DCN: variants seen among roughly 807,000 people sequenced by gnomAD.
DCN encodes decorin.
DCN carries 17 observed loss-of-function variants against 36.5 expected under a neutral mutation model. The observed-to-expected ratio is 0.47, with a 90% CI of 0.32 to 0.70. The LOEUF is 0.70. Among genes scored for constraint, DCN ranks in the 30% least tolerant of loss-of-function variants. The pLI, the probability that DCN is intolerant of heterozygous loss-of-function variation, is 0.04. For missense variants in DCN, 389 were observed against 430.1 expected (o/e 0.90, Z 0.84); for synonymous variants, 163 against 161.4 (o/e 1.01, Z -0.07).
Position 91,157,156 on chromosome 12 carries a change from T to C in DCN, c.571A>G (p.Ile191Val). ...LGTNPLKSSG[I>V]ENGAFQGMKK... ...ATTCCCTGGAAAGCCCCATTTTCAA[T>C]TCCTGAGCTCTTCAGCGGATTGGTG... Residue 191 changes from isoleucine to valine, a missense_variant, in exon 5 of 8, where the codon ATT becomes GTT. Transcript: ENST00000052754. 1 of 1,613,990 alleles carries C rather than the reference T, an allele frequency of 6.2e-7. No individual in the cohort carries two copies. The highest frequency in any genetic ancestry group is 8.5e-7 in the Non-Finnish European group (1 of 1,179,852).
chr12:91,151,242 A>G (rs913798847), intron 7 of DCN: 1 of 209,622 alleles, frequency 4.8e-6, no homozygotes, highest in African/African-American at 2.4e-5. Context: ...GCCATGTCAA[A>G]AAGAATCAGG....
At chr12:91,148,053 T>C (rs184480252) in intron 7 of DCN, among the ~76,000 whole-genome samples, 24 of 151,408 alleles carry the variant, frequency 1.6e-4, no homozygotes, top group Admixed American at 1.5e-3. Context: ...GGTTAGAATA[T>C]AACACTAAGA....
chr12:91,164,297 C>A (rs1371118390), intron 3 of DCN, among the ~76,000 whole-genome samples: 3 of 144,172 alleles, frequency 2.1e-5, no homozygotes, highest in African/African-American at 7.9e-5. Flanking sequence ...AGCGCACCAG[C>A]ATGGCACATG....
chr12:91,155,627 T>TATC (rs893800526), intron 5 of DCN, among the ~76,000 whole-genome samples: 3 of 150,182 alleles, frequency 2.0e-5, no homozygotes, highest in Non-Finnish European at 4.4e-5. Flanking sequence ...TCTATCTATC[T>TATC]ATCTATCTAT....
Position 91,164,635 on chromosome 12 carries a change from AT to A in DCN, c.293del (p.Asp98ValfsTer7), listed in dbSNP as rs747443101. 1.2e-6 allele frequency: 2 copies of A among 1,610,072 alleles called. No homozygotes were observed. Among genetic ancestry groups the A allele is most frequent in the Non-Finnish European group, 1.7e-6 (2 of 1,176,506 alleles). On this transcript the variant is annotated frameshift_variant, in exon 3 of 8. Coordinates refer to ENST00000052754, the MANE Select transcript of DCN (RefSeq NM_001920.5). LOFTEE classifies it high-confidence loss of function. ...LQNNKITEIK[D>X]GDFKNLKNLH... is the part of the protein sequence containing the mutation. ...GGTTCTTCAGGTTCTTAAAGTCTCCATCTTTGATTTCGGTTATTTTGTTGTT... is the reference window on the plus strand; with the variant it reads ...GGTTCTTCAGGTTCTTAAAGTCTCCACTTTGATTTCGGTTATTTTGTTGTT...
rs1274270254 is a variant in DCN at position 91,145,630 on chromosome 12, TA to T, written c.*427del. On this transcript the variant is annotated 3_prime_UTR_variant, in exon 8 of 8. Transcript: ENST00000052754. Reference sequence around the variant, plus strand: ...ACACATTCAAATGAGGCTTTACCAGTAATGATGGGGATTAATACAGAGCTAG... The same window carrying T: ...ACACATTCAAATGAGGCTTTACCAGTATGATGGGGATTAATACAGAGCTAG... 1 of 213,074 alleles carries T rather than the reference TA, an allele frequency of 4.7e-6. No homozygotes were observed. Among genetic ancestry groups the T allele is most frequent in the African/African-American group, 2.3e-5 (1 of 42,724 alleles). The allele number at this position is 213,074 out of a possible 1,614,324, so 13.2% of individuals were successfully genotyped here. A position where few individuals can be genotyped will look rare whatever the true frequency, so the allele number is the denominator to read the frequency against.
At position 91,158,466 on chromosome 12, in the gene DCN, C is replaced by T; in HGVS notation, c.368G>A (p.Gly123Glu). The change falls in exon 4 of 8, where the codon GGA (glycine) becomes GAA (glutamate). Residue 123 changes from glycine (G) to glutamate (E), a missense_variant. Physicochemically the swap from Gly to Glu is moderately conservative, Grantham distance 98. Coordinates refer to ENST00000052754, the MANE Select transcript of DCN (RefSeq NM_001920.5). The part of the protein sequence containing the change: ...VNNKISKVSP[G>E]AFTPLVKLER... ...CAACTTCACCAAAGGTGTAAATGCT[C>T]CAGGACTAACTTTGCTAATTTTATT... is the stretch of plus-strand genomic sequence containing the variant. The T allele has an allele frequency of 6.2e-7, 1 of 1,606,004 alleles. No individual in the cohort carries two copies.
At chr12:91,174,538 C>G (rs1216292606) in intron 2 of DCN, among the ~76,000 whole-genome samples, 1 of 152,082 alleles carries the variant, frequency 6.6e-6, no homozygotes, top group East Asian at 1.9e-4. Flanking sequence ...TCTTAGCCAA[C>G]TTTGCCTGAA....
At chr12:91,156,972 T>C (rs1881817283) in intron 5 of DCN, 103 bp downstream of exon 5, 1 of 757,182 alleles carries the variant, frequency 1.3e-6, no homozygotes, top group East Asian at 2.7e-5. Flanking sequence ...GGAAATAAGG[T>C]TGGCCTCTTA....
At chr12:91,166,615 T>G (rs1882591673) in intron 2 of DCN, among the ~76,000 whole-genome samples, 1 of 152,178 alleles carries the variant, frequency 6.6e-6, no homozygotes, top group African/African-American at 2.4e-5. Context: ...CTAGTGACTC[T>G]CAACATTTTG....
chr12:91,167,976 G>A (rs761374800), intron 2 of DCN, among the ~76,000 whole-genome samples: 18 of 152,056 alleles, frequency 1.2e-4, no homozygotes, highest in Non-Finnish European at 2.1e-4. Flanking sequence ...GACTACAGGC[G>A]TTTGCCACCA....
At chr12:91,177,363 G>A (rs1384628111) in intron 2 of DCN, 1 of 530,420 alleles carries the variant, frequency 1.9e-6, no homozygotes, top group Non-Finnish European at 3.3e-6. Context: ...CATGTTCTGA[G>A]TAAATATAGG....
At chr12:91,164,782 C>T (rs1882438271) in intron 2 of DCN, 65 bp from the exon 3 acceptor site, 1 of 810,150 alleles carries the variant, frequency 1.2e-6, no homozygotes, top group African/African-American at 1.7e-5. Context: ...AATCACACAG[C>T]ATATATTTAC....
At chr12:91,165,723 A>C (rs1301782555) in intron 2 of DCN, among the ~76,000 whole-genome samples, 1 of 152,124 alleles carries the variant, frequency 6.6e-6, no homozygotes, top group Non-Finnish European at 1.5e-5. Flanking sequence ...GCATAACACA[A>C]ATCAGAAATA....
chr12:91,167,861 A>C (rs1370097842), intron 2 of DCN, among the ~76,000 whole-genome samples: 3 of 152,064 alleles, frequency 2.0e-5, no homozygotes, highest in African/African-American at 7.2e-5. Context: ...TTTGTTTGAG[A>C]CAAGAGTCTT....
In DCN at chr12:91,158,530, C is replaced by T; in HGVS notation, c.325-21G>A. The T allele has an allele frequency of 2.3e-6, 3 of 1,296,748 alleles. No homozygotes were observed. In the South Asian group the frequency reaches 3.6e-5, roughly 15 times the overall value. 80.3% of individuals were successfully genotyped at this position (1,296,748 alleles called of 1,614,324 possible). A position where few individuals can be genotyped will look rare whatever the true frequency, so the allele number is the denominator to read the frequency against. The stretch of plus-strand genomic sequence containing the variant: ...AATGCCTGTAGATAGTGAAGAAAAA[C>T]ATCTCTTTAAATCCAAAACCTTCCA... On this transcript the variant is annotated intron_variant, in intron 3 of 7. Transcript: ENST00000052754.
At chr12:91,164,222 C>T (rs1442365929) in intron 3 of DCN, among the ~76,000 whole-genome samples, 1 of 150,018 alleles carries the variant, frequency 6.7e-6, no homozygotes, top group Admixed American at 6.6e-5. Context: ...GTGGTGGGGT[C>T]GGGGGAAGGG....
At chr12:91,176,325 G>A (rs998210850) in intron 2 of DCN, 4 of 151,932 alleles carry the variant, frequency 2.6e-5, no homozygotes, top group Non-Finnish European at 5.9e-5. Context: ...TAGTATATGA[G>A]TCAGTAAACC....
At chr12:91,171,743 A>C (rs899073072) in intron 2 of DCN, among the ~76,000 whole-genome samples, 1 of 152,198 alleles carries the variant, frequency 6.6e-6, no homozygotes, top group African/African-American at 2.4e-5. Context: ...TAGCCTTCTT[A>C]AGATTATAAA....
Sources: gnomAD v4.1 joint callset for allele counts (sites outside exome capture counted in the v4.1 genomes callset) on GRCh38, gnomAD v4.1.1 for gene constraint, MANE v1.5 for transcripts, NCBI Gene and HGNC (gene_info 2026-07-23, HGNC 2026-07-21) for gene names.